The following MPP7 variants were observed in gnomAD, a reference collection of about 807,000 sequenced individuals.
MPP7 encodes MAGUK p55 scaffold protein 7.
Under a neutral mutation model 76.5 loss-of-function variants are expected in MPP7, and 60 were observed. The ratio of observed to expected loss-of-function variants is 0.78; its 90% CI spans 0.64 to 0.97. The LOEUF is 0.97. Ranked by LOEUF, MPP7 falls within the 50% of genes least tolerant of loss-of-function variation. The pLI, the probability that MPP7 is intolerant of heterozygous loss-of-function variation, is 0.00. For synonymous variants in MPP7, 237 were observed against 244.5 expected (o/e 0.97, Z 0.29); for missense variants, 641 against 694.0 (o/e 0.92, Z 0.86).
intron 11 of MPP7, chr10:28,119,003 G>A (rs1001189559): frequency 2.0e-6 from 2 of 985,284 alleles, no homozygotes; most frequent in Non-Finnish European, 2.4e-6. Flanking sequence ...GGAATTTATG[G>A]GATGCAGACT....
intron 6 of MPP7, among the ~76,000 whole-genome samples, chr10:28,130,731 A>T (rs1341764122): frequency 6.6e-6 from 1 of 152,228 alleles, no homozygotes. Flanking sequence ...ATGTTAAATA[A>T]CAAATTTGTT....
chr10:28,087,147 C>T (rs1853053346), intron 12 of MPP7, among the ~76,000 whole-genome samples: 1 of 152,086 alleles, frequency 6.6e-6, no homozygotes. Flanking sequence ...ATTTGTCCCC[C>T]AAGAAAGCTG....
intron 1 of MPP7, among the ~76,000 whole-genome samples, chr10:28,273,949 G>C (rs1203626849): frequency 1.3e-5 from 2 of 150,758 alleles, no homozygotes; most frequent in African/African-American, 4.9e-5. Flanking sequence ...GGGTAACACA[G>C]ATACCATCTC....
chr10:28,201,852 C>T (rs1468709510), intron 3 of MPP7, among the ~76,000 whole-genome samples: 1 of 152,172 alleles, frequency 6.6e-6, no homozygotes, highest in Non-Finnish European at 1.5e-5. Flanking sequence ...TAAATTCCAG[C>T]TCATGAATGT....
At chr10:28,166,129 C>T (rs529198624) in intron 3 of MPP7, among the ~76,000 whole-genome samples, 1 of 151,458 alleles carries the variant, frequency 6.6e-6, no homozygotes, top group East Asian at 1.9e-4. Context: ...ACCTTAACTA[C>T]ATAACATCCT....
At chr10:28,302,048 A>G (rs1262959349) in intron 1 of MPP7, among the ~76,000 whole-genome samples, 1 of 152,142 alleles carries the variant, frequency 6.6e-6, no homozygotes, top group Non-Finnish European at 1.5e-5. Context: ...CTGTTTTTAG[A>G]GAGCCCCCCC....
chr10:28,289,636 A>T (rs2133122816), intron 1 of MPP7, among the ~76,000 whole-genome samples: 1 of 152,264 alleles, frequency 6.6e-6, no homozygotes, highest in East Asian at 1.9e-4. Flanking sequence ...TTGCCCTTGA[A>T]TCTGCGTGAA....
intron 2 of MPP7, among the ~76,000 whole-genome samples, chr10:28,214,339 C>T (rs1415075040): frequency 6.6e-6 from 1 of 152,172 alleles, no homozygotes; most frequent in Non-Finnish European, 1.5e-5. Flanking sequence ...TGTCATGTTC[C>T]CATTCTTCAG....
intron 11 of MPP7, among the ~76,000 whole-genome samples, chr10:28,092,741 T>TG (rs1853376954): frequency 1.3e-4 from 1 of 7,688 alleles, no homozygotes; most frequent in Non-Finnish European, 3.0e-4. Flanking sequence ...CCTGGCTCAA[T>TG]TTTTTTTTTT....
intron 2 of MPP7, among the ~76,000 whole-genome samples, chr10:28,327,813 T>C (rs750773086): frequency 1.4e-4 from 21 of 152,288 alleles, no homozygotes; most frequent in Non-Finnish European, 2.6e-4. Flanking sequence ...TGTGCACTGA[T>C]TGTGTCATTC....
chr10:28,221,094 C>A lies in MPP7; in HGVS notation c.37+17474G>T, dbSNP rs16928626. On this transcript the variant is annotated intron_variant, in intron 2 of 16. Coordinates refer to ENST00000683449, the MANE Select transcript of MPP7 (RefSeq NM_001318170.2). ...AACCTCAAGCTAACAAAAAGACGAA[C>A]CCTCATTTCAATAGGGAAAGACATG... Among the ~76,000 whole-genome samples the A allele has an allele frequency of 7.4e-3, 1,122 of 152,166 alleles. 16 individuals are homozygous for A. Among genetic ancestry groups the A allele is most frequent in the African/African-American group, 0.026 (1,059 of 41,520 alleles).
upstream of MPP7, among the ~76,000 whole-genome samples, chr10:28,304,258 A>T (rs949799702): frequency 1.1e-4 from 17 of 152,180 alleles, no homozygotes; most frequent in African/African-American, 3.6e-4. Context: ...GACCACTCTC[A>T]CTTAACTCTC....
chr10:28,181,684 C>T (rs566599317), intron 3 of MPP7, among the ~76,000 whole-genome samples: 14 of 152,196 alleles, frequency 9.2e-5, no homozygotes, highest in African/African-American at 1.7e-4. Context: ...TTTGAGGTAA[C>T]GCAGAATAAA....
intron 2 of MPP7, among the ~76,000 whole-genome samples, chr10:28,228,811 T>A (rs961559085): frequency 6.6e-6 from 1 of 151,838 alleles, no homozygotes; most frequent in South Asian, 2.1e-4. Flanking sequence ...TTGCTTCTTA[T>A]AAAAATCATC....
intron 7 of MPP7, among the ~76,000 whole-genome samples, chr10:28,124,558 C>T (rs1834951243): frequency 6.8e-6 from 1 of 146,918 alleles, no homozygotes; most frequent in African/African-American, 2.5e-5. Context: ...TCACCGCAAC[C>T]TCCGCCTCCC....
intron 3 of MPP7, among the ~76,000 whole-genome samples, chr10:28,170,499 G>C (rs1359404527): frequency 1.3e-5 from 2 of 151,432 alleles, no homozygotes; most frequent in East Asian, 1.9e-4. Flanking sequence ...TCGCTGCCTG[G>C]ATCCCCAGTT....
chr10:28,090,968 G>A (rs1264784540), intron 11 of MPP7, among the ~76,000 whole-genome samples: 1 of 152,084 alleles, frequency 6.6e-6, no homozygotes, highest in Non-Finnish European at 1.5e-5. Flanking sequence ...GCAACATGGA[G>A]AAACCCCATC....
chr10:28,248,575 T>C (rs1431783300), intron 1 of MPP7, among the ~76,000 whole-genome samples: 3 of 152,190 alleles, frequency 2.0e-5, no homozygotes, highest in Non-Finnish European at 4.4e-5. Context: ...CTTCATGAGC[T>C]ATGCGTATTT....
At chr10:28,122,810 G>A (rs1319465251) in intron 8 of MPP7, among the ~76,000 whole-genome samples, 1 of 151,766 alleles carries the variant, frequency 6.6e-6, no homozygotes, top group Non-Finnish European at 1.5e-5. Flanking sequence ...ATTTGTCTTT[G>A]ATGTTTCTTT....
Sources: gnomAD v4.1 joint callset for allele counts (sites outside exome capture counted in the v4.1 genomes callset) on GRCh38, gnomAD v4.1.1 for gene constraint, MANE v1.5 for transcripts, NCBI Gene and HGNC (gene_info 2026-07-23, HGNC 2026-07-21) for gene names.